ZZEF1: variants seen among roughly 807,000 people sequenced by gnomAD.
The protein encoded by ZZEF1 is zinc finger ZZ-type and EF-hand domain containing 1.
A neutral mutation model predicts 342.8 loss-of-function variants in ZZEF1; 157 were observed. The observed-to-expected ratio is 0.46, with a 90% CI of 0.40 to 0.52. ZZEF1 has a LOEUF of 0.52. ZZEF1 is among the 20% of genes least tolerant of loss of function. The pLI is 0.00. For missense variants in ZZEF1, 3,480 were observed against 3,725.6 expected (o/e 0.93, Z 1.72); for synonymous variants, 1,505 against 1,429.1 (o/e 1.05, Z -1.20).
chr17:4,083,832 C>T (rs1468853799), intron 16 of ZZEF1, among the ~76,000 whole-genome samples: 1 of 152,036 alleles, frequency 6.6e-6, no homozygotes, highest in African/African-American at 2.4e-5. Context: ...GGCCTTTGTG[C>T]ATCCCATAGA....
chr17:4,045,529 C>G (rs1219267980), intron 37 of ZZEF1, among the ~76,000 whole-genome samples: 1 of 152,164 alleles, frequency 6.6e-6, no homozygotes, highest in Admixed American at 6.5e-5. Flanking sequence ...TACATCAATT[C>G]TATAGCCTAG....
chr17:4,054,495 G>A (rs1597820335), intron 33 of ZZEF1, among the ~76,000 whole-genome samples: 2 of 152,270 alleles, frequency 1.3e-5, no homozygotes, highest in East Asian at 3.9e-4. Context: ...AATTCCTCAG[G>A]TGAGACCCAA....
rs145143575 is a variant in ZZEF1, at chr17:4,098,100, T to G, written c.1673-1400A>C. Among the ~76,000 whole-genome samples the G allele has an allele frequency of 1.1e-3, 170 of 151,810 alleles. 3 individuals are homozygous for G. The East Asian group carries it at 0.025, about 22-fold the overall frequency. On this transcript the variant is annotated intron_variant, in intron 9 of 54. Coordinates refer to ENST00000381638, the MANE Select transcript of ZZEF1 (RefSeq NM_015113.4). ...CTAAAAACACAAAATTCGCCGGGCG[T>G]GGTGGCACACACCTGTAATCCCAGC...
At chr17:4,073,099 A>G (rs1362177957) in intron 24 of ZZEF1, among the ~76,000 whole-genome samples, 1 of 152,254 alleles carries the variant, frequency 6.6e-6, no homozygotes, top group African/African-American at 2.4e-5. Context: ...AAACATTCAC[A>G]ATTTGTAAAC....
chr17:4,119,641 C>T (rs1414696872), intron 2 of ZZEF1, among the ~76,000 whole-genome samples: 2 of 152,210 alleles, frequency 1.3e-5, no homozygotes, highest in African/African-American at 4.8e-5. Context: ...GAGCTTGTGT[C>T]TGATTTTCCA....
rs1205073068 is a variant in ZZEF1, at chr17:4,044,217, T to C, written c.6166+7A>G. ...AGAGATGAAGATAATGGTCAAATAG[T>C]CTTTACCTGGAAGTCCTGTAGGTGG... On this transcript the variant is annotated splice_region_variant and intron_variant, in intron 38 of 54. Transcript: ENST00000381638. 1 of 1,613,198 alleles carries C rather than the reference T, an allele frequency of 6.2e-7. No individual in the cohort carries two copies. The highest frequency in any genetic ancestry group is 1.1e-5 in the South Asian group (1 of 90,866).
intron 6 of ZZEF1, among the ~76,000 whole-genome samples, chr17:4,106,856 C>T (rs1237595127): frequency 6.6e-6 from 1 of 152,144 alleles, no homozygotes; most frequent in African/African-American, 2.4e-5. Flanking sequence ...AACTGATAGT[C>T]GCTTAATGAT....
intron 1 of ZZEF1, among the ~76,000 whole-genome samples, chr17:4,141,350 G>A (rs762233580): frequency 1.6e-4 from 25 of 152,312 alleles, no homozygotes; most frequent in African/African-American, 5.5e-4. Flanking sequence ...AAGGTGAACA[G>A]AACCTTTTAA....
intron 18 of ZZEF1, 112 bp from the exon 19 acceptor site, chr17:4,078,154 C>G: frequency 8.8e-7 from 1 of 1,141,974 alleles, no homozygotes; most frequent in Non-Finnish European, 1.2e-6. Context: ...ACTATAGCCA[C>G]GGAAAAGTCA....
At chr17:4,128,913 C>T (rs2058620584) in intron 1 of ZZEF1, among the ~76,000 whole-genome samples, 1 of 151,356 alleles carries the variant, frequency 6.6e-6, no homozygotes, top group African/African-American at 2.4e-5. Flanking sequence ...GGATTACAAG[C>T]ATGCGCCACC....
At position 4,142,750 on chromosome 17, in the gene ZZEF1, G is replaced by A. The variant is rs1182973290; in HGVS notation, c.146C>T (p.Ala49Val). 1 of 1,487,426 alleles carries A rather than the reference G, an allele frequency of 6.7e-7. No individual in the cohort carries two copies. The highest frequency in any genetic ancestry group is 8.9e-7 in the Non-Finnish European group (1 of 1,124,768). 92.1% of individuals were successfully genotyped at this position (1,487,426 alleles called of 1,614,324 possible). The change falls in exon 1 of 55, where the codon GCG becomes GTG. Residue 49 changes from alanine (A) to valine (V), a missense_variant. Physicochemically the swap from Ala to Val is moderately conservative, Grantham distance 64. This residue lies in a region of ZZEF1 where 416 missense variants were observed against 374.2 expected (regional missense o/e 1.11). Transcript: ENST00000381638. The stretch of plus-strand genomic sequence containing the variant: ...TCGCAGCCTGGCCGGCTCCAGCAGC[G>A]CCGCGGCGGGTGGTAGCGCTGGAGC... ...VAAPALPPAA[A>V]LLEPARLREA...
chr17:4,123,370 G>C (rs1178709506), intron 2 of ZZEF1, among the ~76,000 whole-genome samples: 1 of 144,614 alleles, frequency 6.9e-6, no homozygotes, highest in Non-Finnish European at 1.5e-5. Flanking sequence ...GCACCCACTG[G>C]GGGTGCTGGA....
intron 39 of ZZEF1, among the ~76,000 whole-genome samples, chr17:4,038,947 T>C (rs1368476947): frequency 1.1e-4 from 16 of 152,186 alleles, no homozygotes; most frequent in Non-Finnish European, 7.4e-5. Context: ...TATTACTGGG[T>C]TGTAAGAGTT....
intron 37 of ZZEF1, among the ~76,000 whole-genome samples, chr17:4,048,187 C>T (rs895714405): frequency 3.9e-5 from 6 of 152,048 alleles, no homozygotes; most frequent in South Asian, 2.1e-4. Context: ...CATCATAATC[C>T]GTGGGTGGTT....
In ZZEF1 at chr17:4,062,757, T is replaced by C; in HGVS notation, c.4879A>G (p.Thr1627Ala). Reference protein sequence around the residue: ...LELLTCQKDFTNYFGHLEGCG... With the variant: ...LELLTCQKDFANYFGHLEGCG... ...GGACCTGTCCTTTGTACTTACTTGG[T>C]AAAATCTTTCTGACAGGTCAGAAGT... The change falls in exon 30 of 55, where the codon ACC becomes GCC. Residue 1627 changes from threonine (T) to alanine (A), a missense_variant. Transcript: ENST00000381638. The C allele has an allele frequency of 3.1e-6, 5 of 1,602,352 alleles. No homozygotes were observed. The highest frequency in any genetic ancestry group is 4.3e-6 in the Non-Finnish European group (5 of 1,173,862).
At chr17:4,026,913 TA>T (rs925315146) in intron 42 of ZZEF1, among the ~76,000 whole-genome samples, 1 of 151,770 alleles carries the variant, frequency 6.6e-6, no homozygotes, top group Non-Finnish European at 1.5e-5. Context: ...AAAGATGAAG[TA>T]AAAAAAAGTC....
chr17:4,008,558 G>A lies in ZZEF1; in HGVS notation c.8805+325C>T, dbSNP rs1241896690. On this transcript the variant is annotated intron_variant, in intron 54 of 54. Coordinates refer to ENST00000381638, the MANE Select transcript of ZZEF1 (RefSeq NM_015113.4). The surrounding 1 kb of genome is among the most constrained non-coding windows in gnomAD (Gnocchi z 4.2). ...GAAGAGGAGTTCCGCTACCAGAGAA[G>A]CAACTCACATCTAAAAATATGTGAA... 3.7e-6 allele frequency: 4 copies of A among 1,082,958 alleles called. No individual in the cohort carries two copies. The highest frequency in any genetic ancestry group is 3.4e-6 in the Non-Finnish European group (3 of 891,708). The allele number at this position is 1,082,958 out of a possible 1,614,324, so 67.1% of individuals were successfully genotyped here.
intron 1 of ZZEF1, among the ~76,000 whole-genome samples, chr17:4,141,554 G>A (rs751084857): frequency 6.6e-6 from 1 of 152,180 alleles, no homozygotes; most frequent in Non-Finnish European, 1.5e-5. Flanking sequence ...CGGGTGGAGG[G>A]AGAGAGAGCA....
chr17:4,094,141 A>G (rs978514629), intron 11 of ZZEF1, among the ~76,000 whole-genome samples: 8 of 151,708 alleles, frequency 5.3e-5, no homozygotes, highest in African/African-American at 1.9e-4. Context: ...CCACTTCTAC[A>G]TTTTATTTAT....
Sources: gnomAD v4.1 joint callset for allele counts (sites outside exome capture counted in the v4.1 genomes callset) on GRCh38, gnomAD v4.1.1 for gene constraint, gnomAD v4.1.1 regional missense constraint, Gnocchi (gnomAD v3.1) non-coding constraint, MANE v1.5 for transcripts, NCBI Gene and HGNC (gene_info 2026-07-23, HGNC 2026-07-21) for gene names.